The following SEPTIN9 variants were observed in gnomAD, a reference collection of about 807,000 sequenced individuals.
SEPTIN9 encodes septin 9, also known as septin-9.
SEPTIN9 carries 13 observed loss-of-function variants against 56.6 expected under a neutral mutation model. The ratio of observed to expected loss-of-function variants is 0.23; its 90% CI spans 0.15 to 0.37. SEPTIN9 has a LOEUF of 0.37. Ranked by LOEUF, SEPTIN9 falls within the 10% of genes least tolerant of loss-of-function variation. SEPTIN9 has a pLI of 1.00. For synonymous variants in SEPTIN9, 332 were observed against 334.1 expected, an observed-to-expected ratio of 0.99 and a Z score of 0.07; for missense variants, 650 against 823.1, an observed-to-expected ratio of 0.79 and a Z score of 2.57.
At chr17:77,401,544 G>A (rs312859) in intron 2 of SEPTIN9, among the ~76,000 whole-genome samples, 1 of 151,994 alleles carries the variant, frequency 6.6e-6, no homozygotes, top group Non-Finnish European at 1.5e-5. Flanking sequence ...TCAGGAGTCC[G>A]AGACCAGACT....
At chr17:77,296,263 C>A (rs2031807051) in intron 1 of SEPTIN9, among the ~76,000 whole-genome samples, 1 of 152,218 alleles carries the variant, frequency 6.6e-6, no homozygotes, top group Admixed American at 6.5e-5. Flanking sequence ...CCACAGTAAT[C>A]TGGATGGCAG....
chr17:77,301,803 A>G (rs1477097950), intron 1 of SEPTIN9, among the ~76,000 whole-genome samples: 2 of 152,208 alleles, frequency 1.3e-5, no homozygotes, highest in African/African-American at 2.4e-5. Flanking sequence ...TCATCCTAAA[A>G]AGCTCCTTTT....
In SEPTIN9 at chr17:77,453,656, A is replaced by G. The variant is rs971011086; in HGVS notation, c.722-28488A>G. Reference sequence around the variant, plus strand: ...TGGGCCTGGGATCTGTCCTCCGAACACTGGGTCCACTGTGCTCCACAAGGA... The same window carrying G: ...TGGGCCTGGGATCTGTCCTCCGAACGCTGGGTCCACTGTGCTCCACAAGGA... On this transcript the variant is annotated intron_variant, in intron 3 of 11. Coordinates refer to ENST00000427177, the MANE Select transcript of SEPTIN9 (RefSeq NM_001113491.2). The surrounding 1 kb of genome is among the most constrained non-coding windows in gnomAD (Gnocchi z 4.4). 1.7e-4 allele frequency among the ~76,000 whole-genome samples: 25 copies of G among 150,198 alleles called. 1 individual carries two copies. Among genetic ancestry groups the G allele is most frequent in the African/African-American group, 5.6e-4 (23 of 40,966 alleles).
chr17:77,296,897 T>C (rs980767530), intron 1 of SEPTIN9, among the ~76,000 whole-genome samples: 2 of 151,976 alleles, frequency 1.3e-5, no homozygotes, highest in South Asian at 2.1e-4. Context: ...GATAGCTAGA[T>C]AGATGACAGA....
At chr17:77,336,535 T>G (rs1208593897) in intron 2 of SEPTIN9, among the ~76,000 whole-genome samples, 1 of 152,224 alleles carries the variant, frequency 6.6e-6, no homozygotes, top group Admixed American at 6.5e-5. Context: ...GAAATAGATT[T>G]TAAATTTCAT....
chr17:77,454,734 G>A (rs550755869), intron 3 of SEPTIN9, among the ~76,000 whole-genome samples: 1 of 152,312 alleles, frequency 6.6e-6, no homozygotes, highest in African/African-American at 2.4e-5. Context: ...CCTGGGAATC[G>A]CACACTGCCC....
At position 77,487,527 on chromosome 17, in the gene SEPTIN9, C is replaced by T. The variant is rs748209417; in HGVS notation, c.1017C>T (p.Thr339=). The T allele has an allele frequency of 1.2e-6, 2 of 1,613,492 alleles. No homozygotes were observed. The highest frequency in any genetic ancestry group is 1.7e-6 in the Non-Finnish European group (2 of 1,179,870). Residue 339 remains threonine (T), a synonymous_variant, in exon 5 of 12, where the codon ACC becomes ACT. Coordinates refer to ENST00000427177, the MANE Select transcript of SEPTIN9 (RefSeq NM_001113491.2). This position sits in a 1 kb window ranked among gnomAD's most constrained non-coding sequence, Gnocchi z 4.3. The part of the protein sequence containing the change: ...QPTSEERIPK[T]IEIKSITHDI... ...CCTCAGAGGAGCGCATCCCCAAGAC[C>T]ATCGAGATCAAGTCCATCACGCACG...
At chr17:77,415,815 T>G (rs552184603) in intron 3 of SEPTIN9, among the ~76,000 whole-genome samples, 1 of 151,816 alleles carries the variant, frequency 6.6e-6, no homozygotes, top group African/African-American at 2.4e-5. Context: ...AGGAGCAAAA[T>G]AAGGCAGATG....
At chr17:77,342,159 C>T (rs1294074230) in intron 2 of SEPTIN9, among the ~76,000 whole-genome samples, 1 of 151,934 alleles carries the variant, frequency 6.6e-6, no homozygotes, top group Admixed American at 6.6e-5. Context: ...AAAGTTTGAA[C>T]TATTTCAAGA....
chr17:77,433,115 C>G lies in SEPTIN9; in HGVS notation c.721+30412C>G, dbSNP rs192205757. Among the ~76,000 whole-genome samples, 179 of 152,182 alleles carry G rather than the reference C, an allele frequency of 1.2e-3. No homozygotes were observed. Among genetic ancestry groups the G allele is most frequent in the Non-Finnish European group, 2.1e-3 (142 of 68,026 alleles). On this transcript the variant is annotated intron_variant, in intron 3 of 11. Coordinates refer to ENST00000427177, the MANE Select transcript of SEPTIN9 (RefSeq NM_001113491.2). The surrounding 1 kb of genome is among the most constrained non-coding windows in gnomAD (Gnocchi z 6.4). ...AACCCCAACTCTGAATGGCTTCAGC[C>G]CTCAAGAGAATTTGGAGCTTTTTTG...
intron 2 of SEPTIN9, among the ~76,000 whole-genome samples, chr17:77,372,739 G>A (rs915146766): frequency 6.6e-6 from 1 of 151,816 alleles, no homozygotes; most frequent in Admixed American, 6.5e-5. Context: ...TCGTGGTGGG[G>A]GTGTTAGCTG....
chr17:77,476,368 A>T lies in SEPTIN9; in HGVS notation c.722-5776A>T, dbSNP rs117241283. On this transcript the variant is annotated intron_variant, in intron 3 of 11. Coordinates refer to ENST00000427177, the MANE Select transcript of SEPTIN9 (RefSeq NM_001113491.2). This position sits in a 1 kb window ranked among gnomAD's most constrained non-coding sequence, Gnocchi z 6.0. ...TCTCTGGGCACTGCCTCCCAGCCAG[A>T]TATCCTACAGCCCCCGTCCCAGCCA... Among the ~76,000 whole-genome samples the T allele has an allele frequency of 1.7e-3, 263 of 152,262 alleles. 3 individuals are homozygous for T. In the East Asian group the frequency reaches 0.027, roughly 16 times the overall value.
chr17:77,373,582 G>A (rs767127424), intron 2 of SEPTIN9: 3 of 1,540,588 alleles, frequency 1.9e-6, no homozygotes, highest in South Asian at 2.4e-5. Flanking sequence ...CTGCGGCCGC[G>A]GACGTGCTGG....
chr17:77,380,995 T>C (rs887047442), intron 2 of SEPTIN9, among the ~76,000 whole-genome samples: 4 of 152,208 alleles, frequency 2.6e-5, no homozygotes, highest in African/African-American at 9.7e-5. Flanking sequence ...GTGGCAGGTC[T>C]TTCTGATTCT....
intron 1 of SEPTIN9, among the ~76,000 whole-genome samples, chr17:77,304,588 T>G (rs2032187228): frequency 6.6e-6 from 1 of 152,122 alleles, no homozygotes; most frequent in Non-Finnish European, 1.5e-5. Flanking sequence ...GGGCAGCCTT[T>G]GTCGCCGGCA....
In SEPTIN9 at chr17:77,449,227, C is replaced by T. The variant is rs139340778; in HGVS notation, c.722-32917C>T. Among the ~76,000 whole-genome samples the T allele has an allele frequency of 1.3e-4, 20 of 152,084 alleles. No homozygotes were observed. The highest frequency in any genetic ancestry group is 3.9e-4 in the East Asian group (2 of 5,192). ...ACCTGAATGCTGAGTGTGTGCTGAG[C>T]GGTAGAGAACTTTGAGAAGTGCTGA... is the stretch of plus-strand genomic sequence containing the variant. On this transcript the variant is annotated intron_variant, in intron 3 of 11. Transcript: ENST00000427177. The surrounding 1 kb of genome is among the most constrained non-coding windows in gnomAD (Gnocchi z 4.6).
At chr17:77,428,318 A>G (rs1171638628) in intron 3 of SEPTIN9, among the ~76,000 whole-genome samples, 3 of 152,216 alleles carry the variant, frequency 2.0e-5, no homozygotes, top group African/African-American at 4.8e-5. Context: ...ACCATTGGCA[A>G]AGTGTTCAAG....
At chr17:77,378,386 G>A (rs1413805306) in intron 2 of SEPTIN9, among the ~76,000 whole-genome samples, 1 of 152,178 alleles carries the variant, frequency 6.6e-6, no homozygotes, top group African/African-American at 2.4e-5. Flanking sequence ...TGCCTGCAAA[G>A]TGGGGTTAGA....
intron 2 of SEPTIN9, among the ~76,000 whole-genome samples, chr17:77,386,221 TCCCTCCTGCCCCCAC>T (rs2035333303): frequency 6.6e-6 from 1 of 152,100 alleles, no homozygotes; most frequent in Non-Finnish European, 1.5e-5. Flanking sequence ...CCCCACAGGC[TCCCTCCTGCCCCCAC>T]CCCTCCTGCA....
Sources: allele counts gnomAD v4.1 joint callset (sites outside exome capture counted in the v4.1 genomes callset), GRCh38; gene constraint gnomAD v4.1.1; non-coding constraint Gnocchi (gnomAD v3.1); transcripts MANE v1.5; gene names NCBI Gene and HGNC (gene_info 2026-07-23, HGNC 2026-07-21).